Variants in CHST9 observed in about 807,000 individuals in gnomAD.
CHST9 encodes the protein GalNAc-4-sulfotransferase 2.
In CHST9, 41 loss-of-function variants were observed where a neutral mutation model predicts 44.4. That is an observed-to-expected ratio of 0.92 (90% confidence interval 0.72 to 1.20). The LOEUF is 1.20. CHST9 is among the 50% of genes most tolerant of loss of function. The pLI, the probability that CHST9 is intolerant of heterozygous loss-of-function variation, is 0.00. For missense variants in CHST9, 504 were observed against 516.5 expected (o/e 0.98, Z 0.23); for synonymous variants, 171 against 178.4 (o/e 0.96, Z 0.33).
rs1365567851 is a variant in CHST9, at chr18:26,911,894, T to C, written c.*4365A>G. 1 of 152,148 alleles carries C rather than the reference T, an allele frequency of 6.6e-6. No individual in the cohort carries two copies. The highest frequency in any genetic ancestry group is 1.9e-4 in the East Asian group (1 of 5,182). 9.4% of individuals were successfully genotyped at this position (152,148 alleles called of 1,614,324 possible). A position where few individuals can be genotyped will look rare whatever the true frequency, so the allele number is the denominator to read the frequency against. Reference sequence around the variant, plus strand: ...TTTCAGTCGGTTTAAGTCAGCTTGCTCCTCTATTCTTTTCTGCAGTCTTCC... The same window carrying C: ...TTTCAGTCGGTTTAAGTCAGCTTGCCCCTCTATTCTTTTCTGCAGTCTTCC... On this transcript the variant is annotated 3_prime_UTR_variant, in exon 6 of 6. Transcript: ENST00000618847.
At chr18:26,951,252 C>A (rs933448206) in intron 4 of CHST9, among the ~76,000 whole-genome samples, 20 of 152,202 alleles carry the variant, frequency 1.3e-4, no homozygotes, top group Non-Finnish European at 2.9e-5. Context: ...AATTCCAGGA[C>A]AACTGCCTCA....
chr18:26,914,628 A>G lies in CHST9; in HGVS notation c.*1631T>C, dbSNP rs956690798. On this transcript the variant is annotated 3_prime_UTR_variant, in exon 6 of 6. Coordinates refer to ENST00000618847, the MANE Select transcript of CHST9 (RefSeq NM_031422.6). ...TTTAATACTTTTGATCTCTCAGCCCATTGCAGTTTACTTACTCCTTAGGAG... is the reference window on the plus strand; with the variant it reads ...TTTAATACTTTTGATCTCTCAGCCCGTTGCAGTTTACTTACTCCTTAGGAG... 6 of 301,298 alleles carry G rather than the reference A, an allele frequency of 2.0e-5. No individual in the cohort carries two copies. The highest frequency in any genetic ancestry group is 3.0e-5 in the Non-Finnish European group (5 of 165,416). 18.7% of individuals were successfully genotyped at this position (301,298 alleles called of 1,614,324 possible). A position where few individuals can be genotyped will look rare whatever the true frequency, so the allele number is the denominator to read the frequency against.
At chr18:27,167,892 G>T (rs2058803332) in intron 1 of CHST9, among the ~76,000 whole-genome samples, 1 of 152,060 alleles carries the variant, frequency 6.6e-6, no homozygotes, top group Non-Finnish European at 1.5e-5. Context: ...AAACAGAAAA[G>T]AACTTAACAC....
intron 5 of CHST9, among the ~76,000 whole-genome samples, chr18:26,931,725 T>A (rs373946536): frequency 1.6e-4 from 25 of 152,334 alleles, no homozygotes; most frequent in African/African-American, 4.3e-4. Context: ...AGGGAGAGGC[T>A]GTGTGGTAAG....
chr18:26,966,308 CTT>C (rs1339216407), intron 4 of CHST9, among the ~76,000 whole-genome samples: 2 of 152,162 alleles, frequency 1.3e-5, no homozygotes, highest in Non-Finnish European at 2.9e-5. Context: ...AAAGAAATCT[CTT>C]TTAAATTCTT....
intron 4 of CHST9, among the ~76,000 whole-genome samples, chr18:26,980,754 G>A (rs1034809042): frequency 1.1e-4 from 16 of 152,252 alleles, no homozygotes; most frequent in African/African-American, 3.8e-4. Flanking sequence ...GAAAAAAAAG[G>A]TTTTATAATT....
At chr18:26,923,138 T>A (rs1002397056) in intron 5 of CHST9, among the ~76,000 whole-genome samples, 4 of 152,186 alleles carry the variant, frequency 2.6e-5, no homozygotes, top group Non-Finnish European at 5.9e-5. Context: ...ACAGTTGGTA[T>A]TCTCATAGGG....
chr18:27,085,019 C>G (rs575516236), intron 2 of CHST9, among the ~76,000 whole-genome samples: 1 of 151,936 alleles, frequency 6.6e-6, no homozygotes, highest in South Asian at 2.1e-4. Context: ...ATGGTTGGTA[C>G]GATTTTGGTT....
chr18:27,182,060 C>G (rs2058916340), intron 1 of CHST9, among the ~76,000 whole-genome samples: 1 of 152,184 alleles, frequency 6.6e-6, no homozygotes, highest in African/African-American at 2.4e-5. Flanking sequence ...ACATGCAATA[C>G]ATTCCAAAGA....
intron 2 of CHST9, among the ~76,000 whole-genome samples, chr18:27,055,413 G>A (rs913097570): frequency 3.3e-5 from 5 of 152,136 alleles, no homozygotes; most frequent in African/African-American, 1.2e-4. Context: ...AGGTGGTAGG[G>A]TTTTGGTTCT....
At chr18:27,095,959 G>GC (rs1381683626) in intron 2 of CHST9, among the ~76,000 whole-genome samples, 1 of 151,898 alleles carries the variant, frequency 6.6e-6, no homozygotes, top group Non-Finnish European at 1.5e-5. Flanking sequence ...ACAGAATATT[G>GC]CCCCCAACAA....
intron 2 of CHST9, among the ~76,000 whole-genome samples, chr18:27,053,122 G>A (rs1336598134): frequency 4.5e-5 from 5 of 110,162 alleles, no homozygotes; most frequent in African/African-American, 1.8e-4. Context: ...AGAGGAGGAG[G>A]AAGAAGAGGA....
chr18:27,074,519 C>A (rs1319428016), intron 2 of CHST9, among the ~76,000 whole-genome samples: 6 of 152,074 alleles, frequency 3.9e-5, no homozygotes. Context: ...TATCCTTCCC[C>A]CGTCTGTCAA....
chr18:27,074,882 T>A (rs1358354456), intron 2 of CHST9, among the ~76,000 whole-genome samples: 1 of 148,056 alleles, frequency 6.8e-6, no homozygotes, highest in East Asian at 1.9e-4. Context: ...TATCTATATA[T>A]CTAATATATA....
At chr18:27,076,652 T>C (rs1021422565) in intron 2 of CHST9, among the ~76,000 whole-genome samples, 1 of 152,222 alleles carries the variant, frequency 6.6e-6, no homozygotes, top group African/African-American at 2.4e-5. Context: ...TATCCACAGC[T>C]TACACGAGGG....
At chr18:27,144,775 T>C (rs547127100) in intron 1 of CHST9, among the ~76,000 whole-genome samples, 42 of 152,298 alleles carry the variant, frequency 2.8e-4, no homozygotes, top group African/African-American at 9.4e-4. Context: ...TTTGTGGTGA[T>C]AGAATTCCTC....
At chr18:27,164,184 GACAAA>G (rs751316390) in intron 1 of CHST9, among the ~76,000 whole-genome samples, 3 of 151,824 alleles carry the variant, frequency 2.0e-5, no homozygotes, top group African/African-American at 7.3e-5. Flanking sequence ...AGAATGTGGG[GACAAA>G]ACAAAACAAA....
At chr18:26,924,308 C>T (rs913213520) in intron 5 of CHST9, among the ~76,000 whole-genome samples, 3 of 152,160 alleles carry the variant, frequency 2.0e-5, no homozygotes, top group Non-Finnish European at 2.9e-5. Flanking sequence ...CTCCCCATTT[C>T]CTCTCTGAGA....
intron 1 of CHST9, among the ~76,000 whole-genome samples, chr18:27,171,464 C>T (rs896036577): frequency 1.2e-4 from 18 of 151,988 alleles, no homozygotes; most frequent in Middle Eastern, 3.4e-3. Flanking sequence ...TATGAAAATA[C>T]GAAACATAAT....
Sources: gnomAD v4.1 joint callset for allele counts (sites outside exome capture counted in the v4.1 genomes callset) on GRCh38, gnomAD v4.1.1 for gene constraint, MANE v1.5 for transcripts, NCBI Gene and HGNC (gene_info 2026-07-23, HGNC 2026-07-21) for gene names.